The following DAB1 variants were observed in gnomAD, a reference collection of about 807,000 sequenced individuals.
DAB1 encodes the protein DAB adaptor protein 1.
Under a neutral mutation model 64.6 loss-of-function variants are expected in DAB1, and 15 were observed. That is an observed-to-expected ratio of 0.23 (90% CI 0.16 to 0.36). The LOEUF (loss-of-function observed/expected upper bound fraction) is 0.36. DAB1 is among the 10% of genes least tolerant of loss of function. The probability of loss-of-function intolerance (pLI) is 1.00; values close to 1 mark genes in which losing one functional copy is unlikely to be tolerated. For synonymous variants in DAB1, 235 were observed against 251.9 expected (o/e 0.93, Z 0.64); for missense variants, 596 against 706.7 (o/e 0.84, Z 1.78).
At chr1:57,705,127 T>C (rs915501332) in intron 6 of DAB1, among the ~76,000 whole-genome samples, 4 of 152,152 alleles carry the variant, frequency 2.6e-5, no homozygotes, top group African/African-American at 9.7e-5. Flanking sequence ...TACTCATAGT[T>C]GTGGTTAATG....
intron 6 of DAB1, among the ~76,000 whole-genome samples, chr1:57,732,352 AG>A (rs1647473517): frequency 6.6e-6 from 1 of 152,202 alleles, no homozygotes; most frequent in Admixed American, 6.5e-5. Flanking sequence ...TCGACTGTGC[AG>A]TCTAGTGCTG....
At chr1:57,970,204 G>A (rs1179485598) in intron 5 of DAB1, among the ~76,000 whole-genome samples, 3 of 152,194 alleles carry the variant, frequency 2.0e-5, no homozygotes, top group Admixed American at 2.0e-4. Context: ...GTCTATGGTA[G>A]TTTGTTACAG....
chr1:58,045,756 C>T (rs990493090), intron 5 of DAB1, among the ~76,000 whole-genome samples: 5 of 151,972 alleles, frequency 3.3e-5, no homozygotes, highest in African/African-American at 1.2e-4. Context: ...CCTTCTCTTG[C>T]CTCCTTTCTC....
rs147446722 is a variant in DAB1 at position 57,583,431 on chromosome 1, C to T, written n.625+66161G>A. 8.6e-3 allele frequency among the ~76,000 whole-genome samples: 1,310 copies of T among 151,968 alleles called. 15 individuals are homozygous for T. Among genetic ancestry groups the T allele is most frequent in the African/African-American group, 0.03 (1,243 of 41,440 alleles). On this transcript the variant is annotated intron_variant and non_coding_transcript_variant, in intron 7 of 20. Transcript: ENST00000485760. The stretch of plus-strand genomic sequence containing the variant: ...CCTCCCAAGTAGCTGGGACTACACG[C>T]GCGCGCCAATATGCCCAGCTAATTT...
intron 5 of DAB1, among the ~76,000 whole-genome samples, chr1:58,055,405 A>C (rs145581179): frequency 1.3e-5 from 2 of 152,228 alleles, no homozygotes; most frequent in African/African-American, 4.8e-5. Context: ...CTCACATATC[A>C]CCTTCATTCT....
At chr1:57,281,658 G>T (rs77643662) in intron 2 of DAB1, among the ~76,000 whole-genome samples, 3,836 of 152,204 alleles carry the variant, frequency 0.025, 158 homozygotes, top group African/African-American at 0.088. Context: ...GCAGGAGTGT[G>T]ATCTGATTAA....
At chr1:58,316,452 G>A (rs929813992) in intron 4 of DAB1, among the ~76,000 whole-genome samples, 1 of 152,162 alleles carries the variant, frequency 6.6e-6, no homozygotes, top group Non-Finnish European at 1.5e-5. Flanking sequence ...TCTATCATGA[G>A]CCAGGCTGGG....
chr1:57,417,125 A>T (rs1684549902), intron 1 of DAB1, among the ~76,000 whole-genome samples: 1 of 152,148 alleles, frequency 6.6e-6, no homozygotes, highest in South Asian at 2.1e-4. Flanking sequence ...AGAGAAGGGG[A>T]CGTATGATCA....
chr1:57,048,290 C>T (rs895613644), intron 9 of DAB1, among the ~76,000 whole-genome samples: 2 of 152,198 alleles, frequency 1.3e-5, no homozygotes, highest in African/African-American at 2.4e-5. Flanking sequence ...AAAGTAATTA[C>T]ATCTCTTCTT....
intron 3 of DAB1, among the ~76,000 whole-genome samples, chr1:58,426,239 C>T (rs1644820986): frequency 6.6e-6 from 1 of 152,150 alleles, no homozygotes; most frequent in African/African-American, 2.4e-5. Context: ...TTCTTGATCT[C>T]ATGCCCAGGG....
At position 57,583,290 on chromosome 1, in the gene DAB1, C is replaced by CTT. The variant is rs34464140; in HGVS notation, n.625+66300_625+66301dup. Among the ~76,000 whole-genome samples the CTT allele has an allele frequency of 7.6e-3, 1,042 of 136,336 alleles. 11 individuals carry two copies. Among genetic ancestry groups the CTT allele is most frequent in the African/African-American group, 0.025 (924 of 36,846 alleles). The allele number at this position is 136,336 out of a possible 152,430, so 89.4% of individuals were successfully genotyped here. A position where few individuals can be genotyped will look rare whatever the true frequency, so the allele number is the denominator to read the frequency against. ...CTCGGTTTCTTGTTTTTTTTCTTTT[C>CTT]TTTTTTTTTTTTTTTTGATGGAATC... On this transcript the variant is annotated intron_variant and non_coding_transcript_variant, in intron 7 of 20. Coordinates refer to the DAB1 transcript ENST00000485760.
intron 6 of DAB1, among the ~76,000 whole-genome samples, chr1:57,755,865 T>C (rs1278269210): frequency 2.0e-5 from 3 of 152,182 alleles, no homozygotes; most frequent in East Asian, 1.9e-4. Flanking sequence ...AGTTTTTCTT[T>C]CTTAAATGCA....
chr1:57,119,096 T>C (rs556169283), intron 4 of DAB1, among the ~76,000 whole-genome samples: 1 of 152,276 alleles, frequency 6.6e-6, no homozygotes, highest in Admixed American at 6.5e-5. Flanking sequence ...GGTGGACCAC[T>C]TGTCTCAACT....
chr1:57,696,483 G>C (rs925585992), intron 6 of DAB1, among the ~76,000 whole-genome samples: 10 of 152,132 alleles, frequency 6.6e-5, no homozygotes, highest in Admixed American at 3.9e-4. Flanking sequence ...GACGATCACT[G>C]AATGCAAGCT....
chr1:58,283,283 G>A (rs1047173583), intron 4 of DAB1, among the ~76,000 whole-genome samples: 5 of 152,210 alleles, frequency 3.3e-5, no homozygotes, highest in Admixed American at 1.3e-4. Context: ...CTTCTCAGCA[G>A]AGGAGTAGAA....
At chr1:57,551,282 C>T (rs1490999102) in intron 7 of DAB1, among the ~76,000 whole-genome samples, 1 of 152,174 alleles carries the variant, frequency 6.6e-6, no homozygotes, top group East Asian at 1.9e-4. Flanking sequence ...CCATTCTTAT[C>T]CCATTAAATA....
In DAB1 at chr1:58,118,503, T is replaced by TATATATATATATACAC. The variant is rs1341446315; in HGVS notation, n.387+32007_387+32008insGTGTATATATATATAT. Among the ~76,000 whole-genome samples the TATATATATATATACAC allele has an allele frequency of 1.8e-3, 98 of 53,042 alleles. 1 individual carries two copies. The highest frequency in any genetic ancestry group is 9.0e-3 in the East Asian group (7 of 776). The allele number at this position is 53,042 out of a possible 152,430, so 34.8% of individuals were successfully genotyped here. ...ATATATATATATATATATATATATA[T>TATATATATATATACAC]ACACACACACACACACACATATATA... On this transcript the variant is annotated intron_variant and non_coding_transcript_variant, in intron 5 of 20. Transcript: ENST00000485760.
chr1:57,727,726 C>CTCCTTCCTTCTCTCCTTCCT (rs1553123018), intron 6 of DAB1, among the ~76,000 whole-genome samples: 1 of 137,022 alleles, frequency 7.3e-6, no homozygotes, highest in African/African-American at 2.7e-5. Context: ...CCTTCCTTCT[C>CTCCTTCCTTCTCTCCTTCCT]TCCTTCCTTC....
intron 3 of DAB1, among the ~76,000 whole-genome samples, chr1:58,456,165 A>G (rs1645191288): frequency 6.6e-6 from 1 of 152,232 alleles, no homozygotes. Flanking sequence ...TCAGGGTAAC[A>G]CTGTAAGGGA....
Sources: gnomAD v4.1 joint callset for allele counts (sites outside exome capture counted in the v4.1 genomes callset) on GRCh38, gnomAD v4.1.1 for gene constraint, MANE v1.5 for transcripts, NCBI Gene and HGNC (gene_info 2026-07-23, HGNC 2026-07-21) for gene names.